Variants in OTOGL observed in about 807,000 individuals in gnomAD.
OTOGL encodes the protein otogelin like.
OTOGL carries 285 observed loss-of-function variants against 318.5 expected under a neutral mutation model. The observed-to-expected ratio is 0.89, with a 90% confidence interval of 0.81 to 0.99. The LOEUF (loss-of-function observed/expected upper bound fraction) is 0.99, where lower values mean the gene tolerates loss of function less well. Among genes scored for constraint, OTOGL ranks in the 50% least tolerant of loss-of-function variants. OTOGL has a pLI of 0.00. For synonymous variants in OTOGL, 987 were observed against 936.5 expected, an observed-to-expected ratio of 1.05 and a Z score of -0.99; for missense variants, 2,899 against 2,845.6, an observed-to-expected ratio of 1.02 and a Z score of -0.43.
chr12:80,293,706 A>G (rs746548168), intron 26 of OTOGL, among the ~76,000 whole-genome samples: 64 of 149,874 alleles, frequency 4.3e-4, no homozygotes, highest in Admixed American at 4.6e-4. Flanking sequence ...TATCCTTTAC[A>G]TGTTTATTCA....
intron 7 of OTOGL, among the ~76,000 whole-genome samples, chr12:80,227,752 C>T (rs1878992513): frequency 6.6e-6 from 1 of 152,020 alleles, no homozygotes; most frequent in South Asian, 2.1e-4. Context: ...TTGCTATTTC[C>T]TTTGCCTAGA....
At chr12:80,109,033 T>C (rs1225301416) in intron 1 of OTOGL, among the ~76,000 whole-genome samples, 2 of 150,804 alleles carry the variant, frequency 1.3e-5, no homozygotes, top group African/African-American at 2.4e-5. Flanking sequence ...ACAGCTCTTA[T>C]ATCTTTCTGA....
chr12:80,221,996 G>C, intron 6 of OTOGL, 95 bp from the exon 7 acceptor site: 3 of 1,338,990 alleles, frequency 2.2e-6, no homozygotes, highest in Non-Finnish European at 3.0e-6. Flanking sequence ...AAGGAAATTT[G>C]AATGAAAATT....
chr12:80,350,887 G>T (rs956329706), intron 44 of OTOGL, among the ~76,000 whole-genome samples: 1 of 152,054 alleles, frequency 6.6e-6, no homozygotes, highest in African/African-American at 2.4e-5. Flanking sequence ...TTACTTTGCT[G>T]TGCAGAAACT....
At chr12:80,130,075 C>T (rs1387147393) in intron 1 of OTOGL, among the ~76,000 whole-genome samples, 1 of 152,032 alleles carries the variant, frequency 6.6e-6, no homozygotes, top group Non-Finnish European at 1.5e-5. Flanking sequence ...CACCCTTGTC[C>T]AAGTCTATGT....
chr12:80,262,966 G>A (rs1400768733), intron 19 of OTOGL, among the ~76,000 whole-genome samples: 5 of 152,068 alleles, frequency 3.3e-5, no homozygotes, highest in Non-Finnish European at 7.4e-5. Flanking sequence ...ACAGTTTACG[G>A]ATCATGCGGT....
chr12:80,123,667 G>T (rs937240973), intron 1 of OTOGL, among the ~76,000 whole-genome samples: 7 of 152,176 alleles, frequency 4.6e-5, no homozygotes, highest in Admixed American at 1.3e-4. Context: ...GTGTAAAAGT[G>T]TTCCCATTTC....
chr12:80,277,168 T>A (rs528083970), intron 24 of OTOGL, among the ~76,000 whole-genome samples: 8 of 147,440 alleles, frequency 5.4e-5, no homozygotes, highest in African/African-American at 1.7e-4. Flanking sequence ...TAATAAAAAA[T>A]TATTTAAATA....
intron 20 of OTOGL, chr12:80,265,416 G>T: frequency 1.7e-6 from 1 of 592,946 alleles, no homozygotes; most frequent in Non-Finnish European, 2.9e-6. Context: ...CTTTTGACTA[G>T]TTTTGTAATA....
At position 80,267,404 on chromosome 12, in the gene OTOGL, TA is replaced by T. The variant is rs146668579; in HGVS notation, c.2465+78del. 7.7e-3 allele frequency: 5,297 copies of T among 686,254 alleles called. 215 individuals carry two copies. The African/African-American group carries it at 0.085, about 11-fold the overall frequency. 42.5% of individuals were successfully genotyped at this position (686,254 alleles called of 1,614,324 possible). A position where few individuals can be genotyped will look rare whatever the true frequency, so the allele number is the denominator to read the frequency against. On this transcript the variant is annotated intron_variant, in intron 22 of 58. Transcript: ENST00000547103. ...TAATTCTTTCTTTTATATATATATA[TA>T]TATTTTTTTATTATACTTTAAGTTC...
intron 1 of OTOGL, 81 bp from the exon 2 acceptor site, chr12:80,209,332 A>G: frequency 1.5e-6 from 1 of 684,216 alleles, no homozygotes; most frequent in Non-Finnish European, 2.2e-6. Flanking sequence ...AGCTATATTT[A>G]TTAGAATTTG....
At chr12:80,198,565 A>C (rs901578881) in intron 1 of OTOGL, among the ~76,000 whole-genome samples, 17 of 152,266 alleles carry the variant, frequency 1.1e-4, no homozygotes, top group African/African-American at 4.1e-4. Flanking sequence ...GCTTGGCGAC[A>C]GAGCAAGACT....
intron 1 of OTOGL, among the ~76,000 whole-genome samples, chr12:80,160,050 G>T (rs1873399245): frequency 6.6e-6 from 1 of 152,028 alleles, no homozygotes; most frequent in African/African-American, 2.4e-5. Context: ...TCACATGTAA[G>T]AGAAAGAAAC....
At chr12:80,283,079 C>A (rs1203232042) in intron 26 of OTOGL, among the ~76,000 whole-genome samples, 2 of 151,942 alleles carry the variant, frequency 1.3e-5, no homozygotes, top group Non-Finnish European at 2.9e-5. Flanking sequence ...GTGTGTTCAT[C>A]CACTTCTAAA....
intron 26 of OTOGL, among the ~76,000 whole-genome samples, chr12:80,281,283 G>A (rs750916652): frequency 2.6e-5 from 4 of 151,852 alleles, no homozygotes; most frequent in Admixed American, 6.6e-5. Context: ...ACTTCTCAGT[G>A]GAATTGGGTC....
intron 52 of OTOGL, among the ~76,000 whole-genome samples, chr12:80,359,795 A>G (rs1020350263): frequency 1.3e-5 from 2 of 152,154 alleles, no homozygotes; most frequent in Non-Finnish European, 2.9e-5. Context: ...TACACTGTAT[A>G]TACATCTACA....
intron 44 of OTOGL, among the ~76,000 whole-genome samples, chr12:80,345,088 G>A (rs1370877961): frequency 1.3e-4 from 6 of 47,680 alleles, no homozygotes; most frequent in African/African-American, 2.5e-4. Context: ...ATTATTATAT[G>A]TTATATTTTA....
chr12:80,339,252 G>A lies in OTOGL; in HGVS notation c.5038G>A (p.Glu1680Lys). 6.4e-7 allele frequency: 1 copy of A among 1,564,812 alleles called. No individual in the cohort carries two copies. Among genetic ancestry groups the A allele is most frequent in the Non-Finnish European group, 8.7e-7 (1 of 1,149,476 alleles). Residue 1680 changes from glutamate (E) to lysine (K), a missense_variant, in exon 43 of 59, where the codon GAA becomes AAA. Physicochemically the swap from Glu to Lys is moderately conservative, Grantham distance 56. Coordinates refer to ENST00000547103, the MANE Select transcript of OTOGL (RefSeq NM_001378609.3). ...CCGATTTAACTTGTCATCCTACACA[G>A]AAGGACTCTGTGGTGAGCGCTGCCC... ...GFRFNLSSYTEGLCGICNEDP... is the reference protein window; with the variant it reads ...GFRFNLSSYTKGLCGICNEDP...
intron 30 of OTOGL, 21 bp downstream of exon 30, chr12:80,310,748 A>T: frequency 2.0e-6 from 3 of 1,510,114 alleles, no homozygotes; most frequent in Non-Finnish European, 2.7e-6. Flanking sequence ...ACTTTAATGA[A>T]CTCTCGAGTT....
Sources: gnomAD v4.1 joint callset for allele counts (sites outside exome capture counted in the v4.1 genomes callset) on GRCh38, gnomAD v4.1.1 for gene constraint, MANE v1.5 for transcripts, NCBI Gene and HGNC (gene_info 2026-07-23, HGNC 2026-07-21) for gene names.